DLGAP2: variants seen among roughly 807,000 people sequenced by gnomAD.
The protein encoded by DLGAP2 is DLG associated protein 2.
A neutral mutation model predicts 100.3 loss-of-function variants in DLGAP2; 26 were observed. The ratio of observed to expected loss-of-function variants is 0.26; its 90% confidence interval spans 0.19 to 0.36. The LOEUF is 0.36. Among genes scored for constraint, DLGAP2 ranks in the 10% least tolerant of loss-of-function variants. DLGAP2 has a pLI of 1.00. For synonymous variants in DLGAP2, 886 were observed against 630.1 expected (o/e 1.41, Z -6.08); for missense variants, 1,858 against 1,453.2 (o/e 1.28, Z -4.53).
At chr8:822,683 G>C (rs1026043024) in intron 1 of DLGAP2, among the ~76,000 whole-genome samples, 3 of 152,206 alleles carry the variant, frequency 2.0e-5, no homozygotes, top group Non-Finnish European at 4.4e-5. Flanking sequence ...CTGTTTTCCA[G>C]TGGCTTTCAA....
At chr8:785,208 C>T (rs1486982222) in intron 1 of DLGAP2, among the ~76,000 whole-genome samples, 1 of 112,986 alleles carries the variant, frequency 8.9e-6, no homozygotes, top group African/African-American at 3.7e-5. Flanking sequence ...GGCGACAGAG[C>T]GAGACTCCGC....
At position 792,366 on chromosome 8, in the gene DLGAP2, A is replaced by T. The variant is rs574361698; in HGVS notation, c.18+54541A>T. On this transcript the variant is annotated intron_variant, in intron 1 of 14. Coordinates refer to ENST00000637795, the MANE Select transcript of DLGAP2 (RefSeq NM_001346810.2). The stretch of plus-strand genomic sequence containing the variant: ...TGCTAATTTTATTTTTCCCTTCCTA[A>T]TATTTATACTCCTAGTTTTTGTCTT... Among the ~76,000 whole-genome samples, 692 of 152,236 alleles carry T rather than the reference A, an allele frequency of 4.5e-3. 1 individual carries two copies. The highest frequency in any genetic ancestry group is 7.4e-3 in the Non-Finnish European group (503 of 68,016).
intron 2 of DLGAP2, among the ~76,000 whole-genome samples, chr8:955,438 C>A (rs1051459263): frequency 6.6e-6 from 1 of 152,104 alleles, no homozygotes; most frequent in African/African-American, 2.4e-5. Flanking sequence ...CTGCTGCCTG[C>A]CCCAGTGTCA....
intron 2 of DLGAP2, among the ~76,000 whole-genome samples, chr8:970,296 G>A (rs1395883099): frequency 6.6e-6 from 1 of 152,148 alleles, no homozygotes; most frequent in African/African-American, 2.4e-5. Context: ...GAAATTATAG[G>A]TGTGTTGACT....
At chr8:1,321,280 A>G (rs1274672449) in intron 3 of DLGAP2, among the ~76,000 whole-genome samples, 1 of 149,642 alleles carries the variant, frequency 6.7e-6, no homozygotes, top group Non-Finnish European at 1.5e-5. Flanking sequence ...GTGTGCGTGC[A>G]TCTGTGTGTC....
intron 3 of DLGAP2, among the ~76,000 whole-genome samples, chr8:1,410,587 C>G (rs1015028951): frequency 6.6e-6 from 1 of 152,206 alleles, no homozygotes; most frequent in Non-Finnish European, 1.5e-5. Context: ...GCTCCCTTCT[C>G]AGAATGAAAT....
In DLGAP2 at chr8:1,701,203, C is replaced by T; in HGVS notation, c.2965C>T (p.Pro989Ser). 1 of 1,565,984 alleles carries T rather than the reference C, an allele frequency of 6.4e-7. No homozygotes were observed. Among genetic ancestry groups the T allele is most frequent in the Non-Finnish European group, 8.7e-7 (1 of 1,155,994 alleles). ...TGCTTTTCAGGAAGAAAGAAAGGTC[C>T]CGCCTCCAATACCAAAGAAGCCTCC... ...SPERKEERKVPPPIPKKPPKG... is the reference protein window; with the variant it reads ...SPERKEERKVSPPIPKKPPKG... Residue 989 changes from proline (P) to serine (S), a missense_variant, in exon 15 of 15, where the codon CCG (proline) becomes TCG (serine). Pro to Ser is a moderately conservative substitution (Grantham distance 74, BLOSUM62 -1). Transcript: ENST00000637795.
At chr8:1,073,538 G>A (rs1031427626) in intron 2 of DLGAP2, among the ~76,000 whole-genome samples, 9 of 152,170 alleles carry the variant, frequency 5.9e-5, no homozygotes, top group Non-Finnish European at 1.3e-4. Flanking sequence ...TAAATAGCAT[G>A]CGTTCTCTTA....
chr8:1,191,643 A>G (rs991665587), intron 2 of DLGAP2, among the ~76,000 whole-genome samples: 3 of 148,762 alleles, frequency 2.0e-5, no homozygotes, highest in African/African-American at 7.3e-5. Flanking sequence ...CTCTGTTGCA[A>G]TGAGCAGACA....
At chr8:1,013,283 C>T (rs1801350554) in intron 2 of DLGAP2, among the ~76,000 whole-genome samples, 1 of 152,126 alleles carries the variant, frequency 6.6e-6, no homozygotes, top group South Asian at 2.1e-4. Flanking sequence ...ATGTACTGCC[C>T]TGTGCAGGAT....
chr8:822,585 A>T (rs1796603710), intron 1 of DLGAP2, among the ~76,000 whole-genome samples: 1 of 152,224 alleles, frequency 6.6e-6, no homozygotes, highest in African/African-American at 2.4e-5. Context: ...TGTGCTCCGA[A>T]TGAATCTGTG....
intron 6 of DLGAP2, among the ~76,000 whole-genome samples, chr8:1,614,224 G>A (rs183174930): frequency 1.6e-4 from 25 of 152,216 alleles, no homozygotes; most frequent in African/African-American, 6.0e-4. Context: ...CTCTTCACAG[G>A]CAGAAAAAAA....
At chr8:1,314,657 G>A (rs1044753552) in intron 3 of DLGAP2, among the ~76,000 whole-genome samples, 2 of 152,178 alleles carry the variant, frequency 1.3e-5, no homozygotes, top group Non-Finnish European at 2.9e-5. Context: ...GGTGTAAGGA[G>A]GGTCTGTCCG....
chr8:1,546,794 C>T (rs553824199), intron 4 of DLGAP2, among the ~76,000 whole-genome samples: 1 of 152,022 alleles, frequency 6.6e-6, no homozygotes, highest in Admixed American at 6.6e-5. Context: ...AGGGTGGTGG[C>T]GAGAGAGGAG....
intron 2 of DLGAP2, among the ~76,000 whole-genome samples, chr8:1,202,996 G>A (rs535727096): frequency 5.3e-4 from 81 of 152,238 alleles, no homozygotes; most frequent in Middle Eastern, 3.4e-3. Context: ...TGATTGCAGA[G>A]TTCTCCTCGC....
At chr8:1,464,570 G>A (rs899983690) in intron 3 of DLGAP2, among the ~76,000 whole-genome samples, 1 of 141,064 alleles carries the variant, frequency 7.1e-6, no homozygotes, top group Non-Finnish European at 1.5e-5. Flanking sequence ...CTTCCAGGAC[G>A]GCTCTCTTCC....
intron 2 of DLGAP2, among the ~76,000 whole-genome samples, chr8:1,200,454 G>A (rs141950276): frequency 5.9e-5 from 9 of 152,278 alleles, no homozygotes; most frequent in South Asian, 2.1e-4. Flanking sequence ...TTCACACTGC[G>A]ATGCTTGTTC....
At chr8:1,320,245 G>A (rs1300506021) in intron 3 of DLGAP2, among the ~76,000 whole-genome samples, 4 of 152,190 alleles carry the variant, frequency 2.6e-5, no homozygotes, top group Middle Eastern at 3.4e-3. Flanking sequence ...GGAAAGTTAT[G>A]TGTTCTTCCT....
At chr8:1,659,579 T>C (rs1798363652) in intron 8 of DLGAP2, among the ~76,000 whole-genome samples, 3 of 152,180 alleles carry the variant, frequency 2.0e-5, no homozygotes, top group Admixed American at 2.0e-4. Context: ...TTGCATTGAT[T>C]CCTTTACCTT....
Sources: gnomAD v4.1 joint callset for allele counts (sites outside exome capture counted in the v4.1 genomes callset) on GRCh38, gnomAD v4.1.1 for gene constraint, MANE v1.5 for transcripts, NCBI Gene and HGNC (gene_info 2026-07-23, HGNC 2026-07-21) for gene names.